The following GSAP variants were observed in gnomAD, a reference collection of about 807,000 sequenced individuals.
GSAP encodes the protein gamma-secretase-activating protein.
Under a neutral mutation model 131.7 loss-of-function variants are expected in GSAP, and 118 were observed. The observed-to-expected ratio is 0.90, with a 90% CI of 0.77 to 1.04. The LOEUF is 1.04. Among genes scored for constraint, GSAP ranks in the 50% least tolerant of loss-of-function variants. The probability of loss-of-function intolerance (pLI) is 0.00; values close to 1 mark genes in which losing one functional copy is unlikely to be tolerated. For synonymous variants in GSAP, 381 were observed against 363.4 expected, an observed-to-expected ratio of 1.05 and a Z score of -0.55; for missense variants, 1,019 against 1,013.2, an observed-to-expected ratio of 1.01 and a Z score of -0.08.
At chr7:77,312,282 T>A in intron 28 of GSAP, 80 bp from the exon 29 acceptor site, 2 of 684,154 alleles carry the variant, frequency 2.9e-6, no homozygotes, top group Non-Finnish European at 4.9e-6. Context: ...TTCATAATTT[T>A]AAAAGTATTA....
intron 12 of GSAP, among the ~76,000 whole-genome samples, chr7:77,367,183 TC>T (rs1333278087): frequency 6.6e-6 from 1 of 152,196 alleles, no homozygotes; most frequent in African/African-American, 2.4e-5. Context: ...TAGCCTGACT[TC>T]CTCTCTTCCT....
rs972053726 is a variant in GSAP at position 77,355,259 on chromosome 7, T to C, written c.1292A>G (p.His431Arg). ...CLDCEKMAAL[H>R]CALYCGQGAQ... ...ACCTTGACCGCAGTAGAGCGCGCAG[T>C]GCAACGCAGCCATCTTCTCACAGTC... The change falls in exon 16 of 31, where the codon CAC becomes CGC. Residue 431 changes from histidine to arginine, a missense_variant. Transcript: ENST00000257626. 1.9e-6 allele frequency: 3 copies of C among 1,613,958 alleles called. No homozygotes were observed. Among genetic ancestry groups the C allele is most frequent in the Non-Finnish European group, 2.5e-6 (3 of 1,179,970 alleles).
chr7:77,375,153 G>C (rs1268952424), intron 10 of GSAP, 52 bp from the exon 11 acceptor site: 2 of 1,088,606 alleles, frequency 1.8e-6, no homozygotes, highest in Non-Finnish European at 2.7e-6. Flanking sequence ...AGTGATGACA[G>C]TTCTGAAAAC....
At chr7:77,356,352 T>G (rs562253110) in intron 14 of GSAP, among the ~76,000 whole-genome samples, 46 of 152,340 alleles carry the variant, frequency 3.0e-4, no homozygotes, top group South Asian at 6.2e-4. Flanking sequence ...CACGAATTAT[T>G]CCTTAATTTG....
At chr7:77,336,590 G>C (rs1237792065) in intron 19 of GSAP, among the ~76,000 whole-genome samples, 1 of 152,094 alleles carries the variant, frequency 6.6e-6, no homozygotes, top group Non-Finnish European at 1.5e-5. Context: ...CCAGGTTCAA[G>C]CACTTCTCCT....
intron 1 of GSAP, among the ~76,000 whole-genome samples, chr7:77,410,075 T>C (rs949720967): frequency 6.6e-6 from 1 of 152,222 alleles, no homozygotes; most frequent in South Asian, 2.1e-4. Flanking sequence ...TTAAGAACCA[T>C]TGAACTACAA....
chr7:77,362,790 G>A, intron 12 of GSAP, 130 bp from the exon 13 acceptor site: 1 of 608,650 alleles, frequency 1.6e-6, no homozygotes, highest in South Asian at 2.2e-5. Context: ...TTATTCCCAA[G>A]TCCTAGAAGT....
rs374246438 is a variant in GSAP at position 77,312,122 on chromosome 7, C to T, written c.2352G>A (p.Leu784=). 1.3e-5 allele frequency: 21 copies of T among 1,596,198 alleles called. No individual in the cohort carries two copies. The African/African-American group carries it at 1.8e-4, about 13-fold the overall frequency. ...TCACCTGTTTCTTATAGTTCTGAAG[C>T]AGTCGCGTCACGTGGTTCCGCGAAA... is the stretch of plus-strand genomic sequence containing the variant. ...NIISRNHVTR[L]LQNYKKQPRN... Residue 784 remains leucine (L), a synonymous_variant, in exon 29 of 31, where the codon CTG becomes CTA. Coordinates refer to ENST00000257626, the MANE Select transcript of GSAP (RefSeq NM_017439.4).
At chr7:77,404,264 C>G (rs1801872523) in intron 3 of GSAP, among the ~76,000 whole-genome samples, 1 of 152,188 alleles carries the variant, frequency 6.6e-6, no homozygotes, top group African/African-American at 2.4e-5. Flanking sequence ...TACTGCTTTC[C>G]CACACCGATG....
Position 77,386,177 on chromosome 7 carries a change from T to G in GSAP, c.456+1183A>C, listed in dbSNP as rs149878683. ...AATATAATTCTGGAAGAAAATAATTTTAAAAATTATTTAAAAGATGTATTG... is the reference window on the plus strand; with the variant it reads ...AATATAATTCTGGAAGAAAATAATTGTAAAAATTATTTAAAAGATGTATTG... On this transcript the variant is annotated intron_variant, in intron 6 of 30. Coordinates refer to ENST00000257626, the MANE Select transcript of GSAP (RefSeq NM_017439.4). Among the ~76,000 whole-genome samples, 15 of 152,238 alleles carry G rather than the reference T, an allele frequency of 9.9e-5. No individual in the cohort carries two copies. In the East Asian group the frequency reaches 2.5e-3, roughly 25 times the overall value.
chr7:77,380,034 T>A, intron 8 of GSAP: 2 of 446,774 alleles, frequency 4.5e-6, no homozygotes, highest in Non-Finnish European at 5.9e-6. Context: ...TTAATATCAA[T>A]AACATATTAA....
At chr7:77,356,976 T>C (rs1364306676) in intron 14 of GSAP, among the ~76,000 whole-genome samples, 1 of 152,214 alleles carries the variant, frequency 6.6e-6, no homozygotes, top group Non-Finnish European at 1.5e-5. Flanking sequence ...CATCTTATTA[T>C]AGCAACACTT....
chr7:77,386,108 C>T (rs1464023320), intron 6 of GSAP, among the ~76,000 whole-genome samples: 1 of 151,908 alleles, frequency 6.6e-6, no homozygotes, highest in Non-Finnish European at 1.5e-5. Flanking sequence ...ATCCCAAATG[C>T]CATAATCCTA....
chr7:77,368,106 C>T (rs1385560963), intron 12 of GSAP, among the ~76,000 whole-genome samples: 2 of 152,116 alleles, frequency 1.3e-5, no homozygotes, highest in Non-Finnish European at 2.9e-5. Flanking sequence ...CTTAGTCTAG[C>T]ATGGGTTCCT....
At chr7:77,406,816 G>T (rs1449665753) in intron 1 of GSAP, among the ~76,000 whole-genome samples, 1 of 152,216 alleles carries the variant, frequency 6.6e-6, no homozygotes, top group African/African-American at 2.4e-5. Flanking sequence ...CCGAGGGTAG[G>T]GAGAGGGAGA....
At chr7:77,314,600 G>T in intron 26 of GSAP, 111 bp from the exon 27 acceptor site, 1 of 1,142,444 alleles carries the variant, frequency 8.8e-7, no homozygotes, top group Non-Finnish European at 1.2e-6. Flanking sequence ...TTGGTGCCTG[G>T]AACCAACTGA....
Position 77,397,359 on chromosome 7 carries a change from T to A in GSAP, c.300A>T (p.Glu100Asp), listed in dbSNP as rs776213073. 16 of 1,602,694 alleles carry A rather than the reference T, an allele frequency of 1.0e-5. No homozygotes were observed. The highest frequency in any genetic ancestry group is 1.2e-5 in the Non-Finnish European group (14 of 1,171,114). ...LQVFSCSVNS[E>D]RTLLAASLVQ... ...AGCTCAACTTACCAAGCAAAGTCCT[T>A]TCACTGTTGACAGAGCAACTGAAAA... Residue 100 changes from glutamate to aspartate, a missense_variant, in exon 4 of 31, where the codon GAA (glutamate) becomes GAT (aspartate). By Grantham distance (45) the Glu-to-Asp change is conservative (BLOSUM62 2). Transcript: ENST00000257626.
At position 77,377,478 on chromosome 7, in the gene GSAP, C is replaced by G. The variant is rs1797125995; in HGVS notation, c.577-88G>C. ...TGGAATTCATAATTATTTTCCATGTCTATCTTTATGATACATGTAAATATT... is the reference window on the plus strand; with the variant it reads ...TGGAATTCATAATTATTTTCCATGTGTATCTTTATGATACATGTAAATATT... On this transcript the variant is annotated intron_variant, in intron 8 of 30. Transcript: ENST00000257626. 3 of 1,367,636 alleles carry G rather than the reference C, an allele frequency of 2.2e-6. No homozygotes were observed. The Admixed American group carries it at 6.8e-5, about 31-fold the overall frequency. 84.7% of individuals were successfully genotyped at this position (1,367,636 alleles called of 1,614,324 possible).
chr7:77,362,312 C>T (rs1794648562), intron 13 of GSAP, among the ~76,000 whole-genome samples: 1 of 152,072 alleles, frequency 6.6e-6, no homozygotes, highest in African/African-American at 2.4e-5. Flanking sequence ...CATGGTGAAA[C>T]CCCATCTCCA....
Sources: allele counts gnomAD v4.1 joint callset (sites outside exome capture counted in the v4.1 genomes callset), GRCh38; gene constraint gnomAD v4.1.1; transcripts MANE v1.5; gene names NCBI Gene and HGNC (gene_info 2026-07-23, HGNC 2026-07-21).